Variants in IYD observed in about 807,000 individuals in gnomAD.
IYD encodes iodotyrosine deiodinase.
A neutral mutation model predicts 28.4 loss-of-function variants in IYD; 25 were observed. That is an observed-to-expected ratio of 0.88 (90% CI 0.64 to 1.23). IYD has a LOEUF of 1.23. IYD is among the 50% of genes most tolerant of loss of function. IYD has a pLI of 0.00. For synonymous variants in IYD, 140 were observed against 130.8 expected, an observed-to-expected ratio of 1.07 and a Z score of -0.48; for missense variants, 352 against 357.9, an observed-to-expected ratio of 0.98 and a Z score of 0.13.
At chr6:150,389,295 GTCACCTTATGACCAAGGGA>G (rs778042617) in intron 1 of IYD, 38 bp from the exon 2 acceptor site, 3 of 1,358,452 alleles carry the variant, frequency 2.2e-6, no homozygotes, top group Non-Finnish European at 3.2e-6. Flanking sequence ...CTCCCCAGCG[GTCACCTTATGACCAAGGGA>G]TCATTTAGTT....
At position 150,404,221 on chromosome 6, in the gene IYD, T is replaced by C. The variant is rs1778588635; in HGVS notation, c.*5984T>C. On this transcript the variant is annotated 3_prime_UTR_variant, in exon 5 of 5. Transcript: ENST00000344419. ...GTAAATGATTTTCCAACTCTGGGAA[T>C]GTGTAGAATTCATTATGGAAATAAT... The C allele has an allele frequency of 6.6e-6, 1 of 152,234 alleles. No homozygotes were observed. Among genetic ancestry groups the C allele is most frequent in the African/African-American group, 2.4e-5 (1 of 41,462 alleles). The allele number at this position is 152,234 out of a possible 1,614,324, so 9.4% of individuals were successfully genotyped here. A position where few individuals can be genotyped will look rare whatever the true frequency, so the allele number is the denominator to read the frequency against.
rs570090398 is a variant in IYD, at chr6:150,389,814, A to G, written c.370+271A>G. Among the ~76,000 whole-genome samples the G allele has an allele frequency of 1.5e-4, 23 of 152,330 alleles. No individual in the cohort carries two copies. The East Asian group carries it at 3.5e-3, about 23-fold the overall frequency. Reference sequence around the variant, plus strand: ...TTCATGATCTTTTAATTAAAAACCAAGATTTCTGATCACATCATTATATTA... The same window carrying G: ...TTCATGATCTTTTAATTAAAAACCAGGATTTCTGATCACATCATTATATTA... On this transcript the variant is annotated intron_variant, in intron 2 of 4. Coordinates refer to ENST00000344419, the MANE Select transcript of IYD (RefSeq NM_203395.3).
intron 2 of IYD, among the ~76,000 whole-genome samples, chr6:150,389,943 A>C (rs1778048560): frequency 6.6e-6 from 1 of 152,124 alleles, no homozygotes; most frequent in African/African-American, 2.4e-5. Flanking sequence ...TTTGGAAGCA[A>C]ATTTCTTATA....
At chr6:150,388,630 GCTTTCTTTCTTTCTTT>G (rs71010894) in intron 1 of IYD, among the ~76,000 whole-genome samples, 60 of 129,404 alleles carry the variant, frequency 4.6e-4, no homozygotes, top group South Asian at 2.7e-3. Context: ...TGGAGTTTTT[GCTTTCTTTCTTTCTTT>G]CTTTCTTTCT....
chr6:150,380,802 A>G (rs1197129906), intron 1 of IYD, among the ~76,000 whole-genome samples: 2 of 152,156 alleles, frequency 1.3e-5, no homozygotes, highest in Non-Finnish European at 2.9e-5. Context: ...ACAGCATGTT[A>G]GCATTTGGGG....
intron 1 of IYD, among the ~76,000 whole-genome samples, chr6:150,375,641 A>G (rs902479695): frequency 2.2e-4 from 15 of 68,470 alleles, no homozygotes; most frequent in Non-Finnish European, 5.2e-4. Context: ...CTTGATTATA[A>G]CTACTTCTGT....
In IYD at chr6:150,383,503, A is replaced by C. The variant is rs187492567; in HGVS notation, c.179-5849A>C. Among the ~76,000 whole-genome samples, 12 of 152,324 alleles carry C rather than the reference A, an allele frequency of 7.9e-5. No homozygotes were observed. The East Asian group carries it at 1.2e-3, about 15-fold the overall frequency. ...TCCAATGCATACAAGAAAATGTTTT[A>C]AAATATATCTTACAAAGGATTTCAG... is the stretch of plus-strand genomic sequence containing the variant. On this transcript the variant is annotated intron_variant, in intron 1 of 4. Transcript: ENST00000344419.
At chr6:150,371,429 A>T (rs1777237705) in intron 1 of IYD, among the ~76,000 whole-genome samples, 1 of 152,172 alleles carries the variant, frequency 6.6e-6, no homozygotes, top group South Asian at 2.1e-4. Flanking sequence ...GCCAGCAGGG[A>T]CCAACATTCT....
intron 1 of IYD, chr6:150,370,538 A>T: frequency 1.0e-6 from 1 of 985,434 alleles, no homozygotes; most frequent in South Asian, 4.7e-5. Flanking sequence ...TGCACCGTAC[A>T]GGAGTCTAGC....
chr6:150,377,198 C>G (rs553812688), intron 1 of IYD, among the ~76,000 whole-genome samples: 56 of 152,322 alleles, frequency 3.7e-4, no homozygotes, highest in Middle Eastern at 3.4e-3. Context: ...ATTCAAAAAG[C>G]AGACCATAAT....
intron 1 of IYD, among the ~76,000 whole-genome samples, chr6:150,374,355 G>A (rs1777370923): frequency 1.3e-5 from 2 of 152,174 alleles, no homozygotes; most frequent in Non-Finnish European, 2.9e-5. Flanking sequence ...ATGGTCTAAC[G>A]TGGTCTAATG....
Position 150,401,247 on chromosome 6 carries a change from A to C in IYD, c.*3010A>C, listed in dbSNP as rs1289081315. The C allele has an allele frequency of 1.3e-5, 2 of 152,206 alleles. No individual in the cohort carries two copies. Among genetic ancestry groups the C allele is most frequent in the East Asian group, 3.8e-4 (2 of 5,200 alleles). 9.4% of individuals were successfully genotyped at this position (152,206 alleles called of 1,614,324 possible). On this transcript the variant is annotated 3_prime_UTR_variant, in exon 5 of 5. Coordinates refer to ENST00000344419, the MANE Select transcript of IYD (RefSeq NM_203395.3). ...AGTCCATCATTAGGTTAAGCGATTT[A>C]CTGAAGGTGCAGATATCATGCTTAT...
At chr6:150,387,795 G>A (rs1777933496) in intron 1 of IYD, among the ~76,000 whole-genome samples, 1 of 151,562 alleles carries the variant, frequency 6.6e-6, no homozygotes, top group African/African-American at 2.4e-5. Flanking sequence ...TTTTCAGATT[G>A]TTTATATTAG....
At chr6:150,376,144 A>G (rs1379952244) in intron 1 of IYD, among the ~76,000 whole-genome samples, 1 of 152,162 alleles carries the variant, frequency 6.6e-6, no homozygotes, top group African/African-American at 2.4e-5. Flanking sequence ...AAGGTGTATT[A>G]CCACTCCCCC....
rs1778617231 is a variant in IYD, at chr6:150,405,487, A to T, written c.*7250A>T. The T allele has an allele frequency of 6.6e-6, 1 of 152,208 alleles. No homozygotes were observed. Among genetic ancestry groups the T allele is most frequent in the Non-Finnish European group, 1.5e-5 (1 of 68,046 alleles). The allele number at this position is 152,208 out of a possible 1,614,324, so 9.4% of individuals were successfully genotyped here. Reference sequence around the variant, plus strand: ...CCTGAGACTGAGTAATTTATAAAGGAAGGAGGTTTAATTGATTCACAGTTC... The same window carrying T: ...CCTGAGACTGAGTAATTTATAAAGGTAGGAGGTTTAATTGATTCACAGTTC... On this transcript the variant is annotated 3_prime_UTR_variant, in exon 5 of 5. Coordinates refer to ENST00000344419, the MANE Select transcript of IYD (RefSeq NM_203395.3).
intron 1 of IYD, among the ~76,000 whole-genome samples, chr6:150,370,224 C>CATGT (rs1777175129): frequency 6.7e-6 from 1 of 150,286 alleles, no homozygotes; most frequent in South Asian, 2.1e-4. Context: ...TGTGCGCGTG[C>CATGT]GTGTGTGTGT....
chr6:150,370,141 G>A, intron 1 of IYD: 1 of 672,318 alleles, frequency 1.5e-6, no homozygotes, highest in Non-Finnish European at 2.7e-6. Flanking sequence ...TCCCCAAACA[G>A]AGGCCACCTG....
At chr6:150,381,402 A>C (rs1457508265) in intron 1 of IYD, among the ~76,000 whole-genome samples, 3 of 152,138 alleles carry the variant, frequency 2.0e-5, no homozygotes, top group Non-Finnish European at 2.9e-5. Context: ...TGAACAGTTG[A>C]CTTATTCCTG....
intron 4 of IYD, among the ~76,000 whole-genome samples, chr6:150,395,227 A>G (rs1778267735): frequency 6.6e-6 from 1 of 152,156 alleles, no homozygotes; most frequent in Non-Finnish European, 1.5e-5. Context: ...ATAGAGAGAG[A>G]TGGTAAACCC....
Sources: allele counts gnomAD v4.1 joint callset (sites outside exome capture counted in the v4.1 genomes callset), GRCh38; gene constraint gnomAD v4.1.1; transcripts MANE v1.5; gene names NCBI Gene and HGNC (gene_info 2026-07-23, HGNC 2026-07-21).